Variants in ADAMTS3 observed in about 807,000 individuals in gnomAD.
ADAMTS3 encodes the protein ADAM metallopeptidase with thrombospondin type 1 motif 3.
In ADAMTS3, 73 loss-of-function variants were observed where a neutral mutation model predicts 129.0. That is an observed-to-expected ratio of 0.57 (90% CI 0.47 to 0.69). The LOEUF is 0.69. Ranked by LOEUF, ADAMTS3 falls within the 30% of genes least tolerant of loss-of-function variation. The probability of loss-of-function intolerance (pLI) is 0.00; values close to 1 mark genes in which losing one functional copy is unlikely to be tolerated. For missense variants in ADAMTS3, 1,457 were observed against 1,514.5 expected, an observed-to-expected ratio of 0.96 and a Z score of 0.63; for synonymous variants, 477 against 510.8, an observed-to-expected ratio of 0.93 and a Z score of 0.89.
At chr4:72,335,210 C>G (rs1031195642) in intron 5 of ADAMTS3, among the ~76,000 whole-genome samples, 1 of 152,134 alleles carries the variant, frequency 6.6e-6, no homozygotes, top group African/African-American at 2.4e-5. Context: ...AAGGCTTATA[C>G]TACTAATATT....
At position 72,313,809 on chromosome 4, in the gene ADAMTS3, C is replaced by T. The variant is rs1316117264; in HGVS notation, c.1613G>A (p.Gly538Asp). ...ECAAGKWCYK[G>D]HCMWKNANQQ... ...ATTAGCATTCTTCCACATGCAATGACCCTTATAGCACCACTTAGAAAAATG... is the reference window on the plus strand; with the variant it reads ...ATTAGCATTCTTCCACATGCAATGATCCTTATAGCACCACTTAGAAAAATG... The change falls in exon 12 of 22, where the codon GGT becomes GAT. Residue 538 changes from glycine to aspartate, a missense_variant. Gly to Asp is a moderately conservative substitution (Grantham distance 94). Transcript: ENST00000286657. 1 of 1,613,698 alleles carries T rather than the reference C, an allele frequency of 6.2e-7. No homozygotes were observed. The highest frequency in any genetic ancestry group is 1.7e-5 in the Admixed American group (1 of 59,994).
chr4:72,512,923 G>A (rs180766973), intron 3 of ADAMTS3, among the ~76,000 whole-genome samples: 2 of 152,232 alleles, frequency 1.3e-5, no homozygotes, highest in East Asian at 3.9e-4. Context: ...GAGGCAGAGG[G>A]TACATAGGAA....
At chr4:72,318,375 C>G (rs1233678566) in intron 10 of ADAMTS3, among the ~76,000 whole-genome samples, 197 bp downstream of exon 10, 2 of 152,156 alleles carry the variant, frequency 1.3e-5, no homozygotes, top group Admixed American at 1.3e-4. Context: ...TACATCAGCT[C>G]TCTGCTAGTC....
chr4:72,487,903 TAAG>T (rs1361588527), intron 3 of ADAMTS3, among the ~76,000 whole-genome samples: 3 of 152,048 alleles, frequency 2.0e-5, no homozygotes, highest in African/African-American at 7.2e-5. Flanking sequence ...AGGCTTGACT[TAAG>T]AGAAAAAATA....
At chr4:72,461,711 A>G (rs1438995031) in intron 3 of ADAMTS3, among the ~76,000 whole-genome samples, 2 of 151,892 alleles carry the variant, frequency 1.3e-5, no homozygotes, top group East Asian at 3.9e-4. Flanking sequence ...CAACAATACA[A>G]TGAAATGTTT....
chr4:72,447,837 C>G (rs893581181), intron 3 of ADAMTS3, among the ~76,000 whole-genome samples: 1 of 151,672 alleles, frequency 6.6e-6, no homozygotes, highest in Admixed American at 6.6e-5. Context: ...AGAAAGCCAC[C>G]CCATGTGGCT....
At chr4:72,498,822 A>C (rs566638687) in intron 3 of ADAMTS3, among the ~76,000 whole-genome samples, 1 of 152,164 alleles carries the variant, frequency 6.6e-6, no homozygotes, top group East Asian at 1.9e-4. Flanking sequence ...CACATTGGTA[A>C]AAGAGTGGTT....
intron 4 of ADAMTS3, among the ~76,000 whole-genome samples, chr4:72,348,516 C>A (rs1480283696): frequency 6.6e-6 from 1 of 151,856 alleles, no homozygotes; most frequent in Non-Finnish European, 1.5e-5. Context: ...CTAAAATGGC[C>A]CCACTAAGAT....
intron 3 of ADAMTS3, among the ~76,000 whole-genome samples, chr4:72,498,833 C>T (rs1719936767): frequency 6.6e-6 from 1 of 151,970 alleles, no homozygotes; most frequent in Non-Finnish European, 1.5e-5. Flanking sequence ...AAGAGTGGTT[C>T]AGAAGTAAAT....
In ADAMTS3 at chr4:72,389,965, T is replaced by C. The variant is rs1353903851; in HGVS notation, c.661+24850A>G. On this transcript the variant is annotated intron_variant, in intron 4 of 21. Coordinates refer to ENST00000286657, the MANE Select transcript of ADAMTS3 (RefSeq NM_014243.3). ...AGAGATGAATGTGTATACACACATA[T>C]AGGCCTGCAAGAATGAGAGACAGAA... Among the ~76,000 whole-genome samples the C allele has an allele frequency of 2.6e-5, 4 of 152,072 alleles. No homozygotes were observed. In the South Asian group the frequency reaches 6.2e-4, roughly 24 times the overall value.
At position 72,303,767 on chromosome 4, in the gene ADAMTS3, T is replaced by TG. The variant is rs780960376; in HGVS notation, c.2424+149dup. ...TTACATGAAAATATTGCACAAAGAG[T>TG]GGGGGGAAAGATAAATGGAATTATT... On this transcript the variant is annotated intron_variant, in intron 17 of 21. Transcript: ENST00000286657. The TG allele has an allele frequency of 3.8e-3, 2,703 of 717,364 alleles. 12 individuals carry two copies. Among genetic ancestry groups the TG allele is most frequent in the Non-Finnish European group, 5.4e-3 (2,335 of 436,104 alleles). The allele number at this position is 717,364 out of a possible 1,614,324, so 44.4% of individuals were successfully genotyped here.
At chr4:72,565,752 G>C (rs983084031) in intron 2 of ADAMTS3, among the ~76,000 whole-genome samples, 1 of 152,146 alleles carries the variant, frequency 6.6e-6, no homozygotes, top group Non-Finnish European at 1.5e-5. Flanking sequence ...AAGGACACCT[G>C]TACTATTTTC....
intron 3 of ADAMTS3, among the ~76,000 whole-genome samples, chr4:72,440,172 G>T (rs1718071073): frequency 6.6e-6 from 1 of 151,734 alleles, no homozygotes; most frequent in Non-Finnish European, 1.5e-5. Flanking sequence ...ACAAAAAAGT[G>T]TCAAAGTGGA....
rs555740265 is a variant in ADAMTS3 at position 72,401,493 on chromosome 4, G to C, written c.661+13322C>G. Among the ~76,000 whole-genome samples the C allele has an allele frequency of 1.3e-4, 20 of 150,608 alleles. No individual in the cohort carries two copies. The South Asian group carries it at 2.1e-3, about 16-fold the overall frequency. ...GAGGTAGGAGAATCACTTGAACTGG[G>C]GGGGTGGAGGTTGCAGTGGGCTGAG... On this transcript the variant is annotated intron_variant, in intron 4 of 21. Coordinates refer to ENST00000286657, the MANE Select transcript of ADAMTS3 (RefSeq NM_014243.3).
At chr4:72,399,750 C>T (rs1166988098) in intron 4 of ADAMTS3, among the ~76,000 whole-genome samples, 2 of 129,026 alleles carry the variant, frequency 1.6e-5, no homozygotes, top group Admixed American at 7.6e-5. Context: ...GGTGTGTACG[C>T]ATATGTGTGT....
chr4:72,530,739 T>A, intron 3 of ADAMTS3, among the ~76,000 whole-genome samples: 1 of 27,160 alleles, frequency 3.7e-5, no homozygotes, highest in South Asian at 9.0e-4. Flanking sequence ...TTATATATTA[T>A]ATATATTATA....
intron 3 of ADAMTS3, among the ~76,000 whole-genome samples, chr4:72,523,169 A>G (rs1428347638): frequency 2.0e-5 from 3 of 152,114 alleles, no homozygotes; most frequent in Non-Finnish European, 4.4e-5. Context: ...AGAAAAGCAC[A>G]GTGTACAATC....
chr4:72,482,415 A>C (rs927543602), intron 3 of ADAMTS3, among the ~76,000 whole-genome samples: 9 of 152,132 alleles, frequency 5.9e-5, no homozygotes, highest in Non-Finnish European at 1.3e-4. Context: ...CAAGTCCTAA[A>C]AGGTTACATA....
At chr4:72,369,236 G>A (rs1455125568) in intron 4 of ADAMTS3, among the ~76,000 whole-genome samples, 2 of 152,126 alleles carry the variant, frequency 1.3e-5, no homozygotes, top group Non-Finnish European at 2.9e-5. Flanking sequence ...AATGGTAAGA[G>A]AAATTAAACC....
Sources: allele counts gnomAD v4.1 joint callset (sites outside exome capture counted in the v4.1 genomes callset), GRCh38; gene constraint gnomAD v4.1.1; transcripts MANE v1.5; gene names NCBI Gene and HGNC (gene_info 2026-07-23, HGNC 2026-07-21).